Variants in KMT2E observed in about 807,000 individuals in gnomAD.
KMT2E encodes lysine methyltransferase 2E (inactive).
A neutral mutation model predicts 184.6 loss-of-function variants in KMT2E; 30 were observed. The ratio of observed to expected loss-of-function variants is 0.16; its 90% confidence interval spans 0.12 to 0.22. The LOEUF (loss-of-function observed/expected upper bound fraction) is 0.22, where lower values mean the gene tolerates loss of function less well. Ranked by LOEUF, KMT2E falls within the 10% of genes least tolerant of loss-of-function variation. The pLI, the probability that KMT2E is intolerant of heterozygous loss-of-function variation, is 1.00. For synonymous variants in KMT2E, 815 were observed against 776.5 expected (o/e 1.05, Z -0.82); for missense variants, 2,023 against 2,237.4 (o/e 0.90, Z 1.93).
At position 105,110,364 on chromosome 7, in the gene KMT2E, T is replaced by G; in HGVS notation, c.3840T>G (p.Asp1280Glu). Reference sequence around the variant, plus strand: ...TCAGTGATCACCGAAAAGATAAAGATAGTGGTAAGTGAGCTTGTTCCTTCA... The same window carrying G: ...TCAGTGATCACCGAAAAGATAAAGAGAGTGGTAAGTGAGCTTGTTCCTTCA... Reference protein sequence around the residue: ...LLLSDHRKDKDSGGESPCVSC... With the variant: ...LLLSDHRKDKESGGESPCVSC... Residue 1280 changes from aspartate (D) to glutamate (E), a missense_variant, in exon 24 of 27, where the codon GAT (aspartate) becomes GAG (glutamate). Physicochemically the swap from Asp to Glu is conservative, Grantham distance 45 (BLOSUM62 2). Around this residue, in one of 8 missense-constraint regions of KMT2E, gnomAD observed 1,108 missense variants for 1,050.9 expected, o/e 1.05. Transcript: ENST00000311117. The G allele has an allele frequency of 7.4e-6, 12 of 1,614,048 alleles. No homozygotes were observed. Among genetic ancestry groups the G allele is most frequent in the Non-Finnish European group, 8.5e-6 (10 of 1,179,894 alleles).
intron 13 of KMT2E, among the ~76,000 whole-genome samples, chr7:105,087,431 G>GT (rs1339195350): frequency 7.0e-4 from 96 of 137,256 alleles, no homozygotes; most frequent in East Asian, 1.3e-3. Context: ...CTTTTTTTTT[G>GT]TTTTTTTTTT....
chr7:105,111,053 G>A (rs998541439), intron 26 of KMT2E, 185 bp downstream of exon 26: 4 of 578,098 alleles, frequency 6.9e-6, no homozygotes, highest in Admixed American at 6.5e-5. Flanking sequence ...AACATGTGAT[G>A]GATAACTCTG....
intron 13 of KMT2E, among the ~76,000 whole-genome samples, chr7:105,083,326 C>T (rs533857497): frequency 2.0e-5 from 3 of 152,184 alleles, no homozygotes; most frequent in Admixed American, 2.0e-4. Flanking sequence ...CATTATCACT[C>T]CTTGATTTAG....
chr7:105,110,531 C>T lies in KMT2E; in HGVS notation c.3899C>T (p.Ser1300Leu). Residue 1300 changes from serine (S) to leucine (L), a missense_variant, in exon 25 of 27, where the codon TCA becomes TTA. Physicochemically the swap from Ser to Leu is moderately radical, Grantham distance 145. Transcript: ENST00000311117. Reference sequence around the variant, plus strand: ...CCGAGTCATGTTCAGTCTTCACCTTCATCTCATTCAAATCACATACCCCAG... The same window carrying T: ...CCGAGTCATGTTCAGTCTTCACCTTTATCTCATTCAAATCACATACCCCAG... ...CSPSHVQSSPSSHSNHIPQLQ... is the reference protein window; with the variant it reads ...CSPSHVQSSPLSHSNHIPQLQ... The T allele has an allele frequency of 6.2e-7, 1 of 1,614,140 alleles. No individual in the cohort carries two copies.
intron 7 of KMT2E, among the ~76,000 whole-genome samples, chr7:105,074,017 T>C (rs576451570): frequency 3.0e-4 from 46 of 152,354 alleles, no homozygotes; most frequent in African/African-American, 1.0e-3. Flanking sequence ...GTTTATCATG[T>C]AGAATAGTAC....
chr7:105,035,111 G>T lies in KMT2E; in HGVS notation c.-188-3015G>T, dbSNP rs565369705. Among the ~76,000 whole-genome samples, 64 of 146,862 alleles carry T rather than the reference G, an allele frequency of 4.4e-4. 1 individual carries two copies. Among genetic ancestry groups the T allele is most frequent in the African/African-American group, 1.5e-3 (59 of 39,556 alleles). On this transcript the variant is annotated intron_variant, in intron 1 of 26. Coordinates refer to ENST00000311117, the MANE Select transcript of KMT2E (RefSeq NM_182931.3). ...ACGATCTCGGCTCACTGCACGCTCC[G>T]CCTCCTGGGTTCATGCCATTCTCCT...
intron 3 of KMT2E, among the ~76,000 whole-genome samples, chr7:105,050,354 T>G (rs1796276611): frequency 6.6e-6 from 1 of 152,230 alleles, no homozygotes; most frequent in Non-Finnish European, 1.5e-5. Context: ...TTTTCCTGGC[T>G]TATTCTGTTA....
rs1491545863 is a variant in KMT2E, at chr7:105,076,869, ATT to A, written c.769-91_769-90del. On this transcript the variant is annotated intron_variant, in intron 9 of 26. Transcript: ENST00000311117. The stretch of plus-strand genomic sequence containing the variant: ...TGTTCTTTTGTATAGATTGCCGTTA[ATT>A]TTGTGTGTGTGTGTGTGTGTGTGTG... The A allele has an allele frequency of 1.8e-4, 142 of 788,462 alleles. No homozygotes were observed. In the East Asian group the frequency reaches 3.3e-3, roughly 18 times the overall value. The allele number at this position is 788,462 out of a possible 1,614,324, so 48.8% of individuals were successfully genotyped here. A position where few individuals can be genotyped will look rare whatever the true frequency, so the allele number is the denominator to read the frequency against.
intron 15 of KMT2E, among the ~76,000 whole-genome samples, chr7:105,098,183 C>G (rs899472517): frequency 6.6e-6 from 1 of 151,316 alleles, no homozygotes; most frequent in African/African-American, 2.4e-5. Context: ...TATTTCAAGA[C>G]CAAAGAAGAA....
rs144013371 is a variant in KMT2E, at chr7:105,076,964, G to A, written c.770G>A (p.Gly257Asp). 1.6e-4 allele frequency: 251 copies of A among 1,598,014 alleles called. No individual in the cohort carries two copies. The highest frequency in any genetic ancestry group is 2.0e-4 in the Non-Finnish European group (235 of 1,170,178). The change falls in exon 10 of 27, where the codon GGT becomes GAT. Residue 257 changes from glycine (G) to aspartate (D), a missense_variant and splice_region_variant. Around this residue, in one of 8 missense-constraint regions of KMT2E, gnomAD observed 191 missense variants for 209.0 expected, o/e 0.91. Coordinates refer to ENST00000311117, the MANE Select transcript of KMT2E (RefSeq NM_182931.3). ...CTAAAGCTCAGTTTATGATTTTAGGGTTCAGCTCCAGAGATTGATCCTTCA... is the reference window on the plus strand; with the variant it reads ...CTAAAGCTCAGTTTATGATTTTAGGATTCAGCTCCAGAGATTGATCCTTCA... ...EGSRKSSRVK[G>D]SAPEIDPSSD...
Position 105,105,644 on chromosome 7 carries a change from A to G in KMT2E, c.2402A>G (p.Lys801Arg), listed in dbSNP as rs1480194712. ...IRFTSPFLSE[K>R]RRRKEPTENI... is the part of the protein sequence containing the mutation. ...TTTACTTCACCATTCCTTTCAGAAA[A>G]AAGGAGAAGAAAAGAACCTACTGAA... Residue 801 changes from lysine (K) to arginine (R), a missense_variant, in exon 18 of 27, where the codon AAA becomes AGA. Lys to Arg is a conservative substitution (Grantham distance 26). Transcript: ENST00000311117. The G allele has an allele frequency of 6.2e-7, 1 of 1,609,746 alleles. No homozygotes were observed. Among genetic ancestry groups the G allele is most frequent in the Non-Finnish European group, 8.5e-7 (1 of 1,178,954 alleles).
chr7:105,074,243 CAT>C (rs1190417234), intron 7 of KMT2E, among the ~76,000 whole-genome samples: 1 of 152,152 alleles, frequency 6.6e-6, no homozygotes, highest in East Asian at 1.9e-4. Flanking sequence ...GACCCTCTTG[CAT>C]AAGTCTTTTT....
rs992992238 is a variant in KMT2E, at chr7:105,078,973, T to C, written c.1248+10T>C. 3.3e-6 allele frequency: 5 copies of C among 1,532,140 alleles called. No individual in the cohort carries two copies. Among genetic ancestry groups the C allele is most frequent in the Middle Eastern group, 1.7e-4 (1 of 5,908 alleles). The allele number at this position is 1,532,140 out of a possible 1,614,324, so 94.9% of individuals were successfully genotyped here. ...TACACCCAATGCAGAGGTAAGCTTA[T>C]AGAAATTTTTTGGGGAGATGTGGGT... On this transcript the variant is annotated intron_variant, in intron 12 of 26. Transcript: ENST00000311117.
intron 13 of KMT2E, among the ~76,000 whole-genome samples, chr7:105,086,032 A>G (rs1797949487): frequency 6.6e-6 from 1 of 152,074 alleles, no homozygotes; most frequent in Non-Finnish European, 1.5e-5. Context: ...TATTATCTAG[A>G]ATTTTGTATA....
intron 3 of KMT2E, among the ~76,000 whole-genome samples, chr7:105,043,761 A>C (rs1301639010): frequency 6.6e-6 from 1 of 152,164 alleles, no homozygotes; most frequent in Non-Finnish European, 1.5e-5. Flanking sequence ...CACATTTGGA[A>C]ATAGCGTTTT....
At position 105,050,550 on chromosome 7, in the gene KMT2E, A is replaced by T. The variant is rs184088641; in HGVS notation, c.71+9527A>T. 1.2e-4 allele frequency among the ~76,000 whole-genome samples: 18 copies of T among 152,182 alleles called. No individual in the cohort carries two copies. The East Asian group carries it at 3.5e-3, about 29-fold the overall frequency. On this transcript the variant is annotated intron_variant, in intron 3 of 26. Transcript: ENST00000311117. ...ACCCAAGTTGACAGCTTCACTTGGA[A>T]TTCTTGATGTTCTTCTGCCCCCAAC... is the stretch of plus-strand genomic sequence containing the variant.
chr7:105,092,190 T>C (rs573678751), intron 15 of KMT2E, among the ~76,000 whole-genome samples: 7 of 152,178 alleles, frequency 4.6e-5, no homozygotes, highest in African/African-American at 1.7e-4. Context: ...CCAAGGTGGG[T>C]GGATTACCTG....
At chr7:105,073,303 A>G (rs555817058) in intron 6 of KMT2E, among the ~76,000 whole-genome samples, 1 of 151,868 alleles carries the variant, frequency 6.6e-6, no homozygotes, top group East Asian at 1.9e-4. Context: ...AGGCTGAGGC[A>G]GGAGGATCCC....
In KMT2E at chr7:105,107,628, C is replaced by A. The variant is rs1355246465; in HGVS notation, c.3171C>A (p.His1057Gln). The A allele has an allele frequency of 6.2e-7, 1 of 1,614,128 alleles. No homozygotes were observed. Among genetic ancestry groups the A allele is most frequent in the South Asian group, 1.1e-5 (1 of 91,078 alleles). The change falls in exon 22 of 27, where the codon CAC becomes CAA. Residue 1057 changes from histidine to glutamine, a missense_variant. By Grantham distance (24) the His-to-Gln change is conservative. Around this residue, in one of 8 missense-constraint regions of KMT2E, gnomAD observed 1,108 missense variants for 1,050.9 expected, o/e 1.05. Coordinates refer to ENST00000311117, the MANE Select transcript of KMT2E (RefSeq NM_182931.3). ...CCAACAGCCAACTGGACTCGACTCA[C>A]TCTGGACGGGGCACAATGTATTCTT... ...AEPNSQLDST[H>Q]SGRGTMYSSW...
Sources: gnomAD v4.1 joint callset for allele counts (sites outside exome capture counted in the v4.1 genomes callset) on GRCh38, gnomAD v4.1.1 for gene constraint, gnomAD v4.1.1 regional missense constraint, MANE v1.5 for transcripts, NCBI Gene and HGNC (gene_info 2026-07-23, HGNC 2026-07-21) for gene names.